The following PIK3R6 variants were observed in gnomAD, a reference collection of about 807,000 sequenced individuals.
The protein encoded by PIK3R6 is phosphoinositide 3-kinase regulatory subunit 6.
Under a neutral mutation model 84.9 loss-of-function variants are expected in PIK3R6, and 91 were observed. The observed-to-expected ratio is 1.07, with a 90% confidence interval of 0.90 to 1.28. The LOEUF (loss-of-function observed/expected upper bound fraction) is 1.28. Among genes scored for constraint, PIK3R6 ranks in the 50% most tolerant of loss-of-function variants. The pLI, the probability that PIK3R6 is intolerant of heterozygous loss-of-function variation, is 0.00. For synonymous variants in PIK3R6, 416 were observed against 411.4 expected (o/e 1.01, Z -0.13); for missense variants, 996 against 985.1 (o/e 1.01, Z -0.15).
chr17:8,823,539 G>T, intron 13 of PIK3R6, 42 bp from the exon 14 acceptor site: 1 of 1,380,462 alleles, frequency 7.2e-7, no homozygotes. Flanking sequence ...CTCCCCCAAG[G>T]CCACTGTGGG....
rs1312125837 is a variant in PIK3R6, at chr17:8,838,651, C to T, written c.102G>A (p.Met34Ile). 1.9e-6 allele frequency: 3 copies of T among 1,598,084 alleles called. No homozygotes were observed. The highest frequency in any genetic ancestry group is 1.6e-4 in the Middle Eastern group (1 of 6,072). ...QAPALQSNQG[M>I]WRWSLHKKVE... is the part of the protein sequence containing the mutation. ...CCTTCTTGTGCAGGGACCACCTCCA[C>T]ATGCCTGGGCCAGGAGAAAGGGGAG... Residue 34 changes from methionine (M) to isoleucine (I), a missense_variant, in exon 4 of 20, where the codon ATG becomes ATA. Transcript: ENST00000619866.
intron 2 of PIK3R6, among the ~76,000 whole-genome samples, chr17:8,847,082 T>C (rs1197926560): frequency 6.6e-6 from 1 of 152,212 alleles, no homozygotes; most frequent in Non-Finnish European, 1.5e-5. Context: ...GACTGACTCA[T>C]GGATATGTAA....
Position 8,866,993 on chromosome 17 carries a change from T to C in PIK3R6, c.-92+536A>G, listed in dbSNP as rs192730781. On this transcript the variant is annotated intron_variant, in intron 1 of 19. Coordinates refer to ENST00000619866, the MANE Select transcript of PIK3R6 (RefSeq NM_001010855.4). ...ACTTTCACCAAATTCCCCAGGAAAG[T>C]GATGGGCAGATGATGTCCCAGAAAG... Among the ~76,000 whole-genome samples, 6 of 152,248 alleles carry C rather than the reference T, an allele frequency of 3.9e-5. No individual in the cohort carries two copies. In the East Asian group the frequency reaches 5.8e-4, roughly 15 times the overall value.
At position 8,803,889 on chromosome 17, in the gene PIK3R6, T is replaced by G. The variant is rs539314964; in HGVS notation, c.2108+152A>C. 2 of 667,768 alleles carry G rather than the reference T, an allele frequency of 3.0e-6. No homozygotes were observed. Among genetic ancestry groups the G allele is most frequent in the East Asian group, 5.4e-5 (2 of 36,766 alleles). 41.4% of individuals were successfully genotyped at this position (667,768 alleles called of 1,614,324 possible). On this transcript the variant is annotated intron_variant, in intron 19 of 19. Coordinates refer to ENST00000619866, the MANE Select transcript of PIK3R6 (RefSeq NM_001010855.4). This position sits in a 1 kb window ranked among gnomAD's most constrained non-coding sequence, Gnocchi z 5.0. ...GGATCCAAAGCATAGGGCAGTGGCC[T>G]CTGTCCATCCTCACCAAGGTTACCT...
At chr17:8,823,322 C>T (rs1023636078) in intron 14 of PIK3R6, 65 bp downstream of exon 14, 3 of 1,276,316 alleles carry the variant, frequency 2.4e-6, no homozygotes, top group African/African-American at 2.9e-5. Context: ...CAGTGTTTCC[C>T]CAGAGCCTGG....
At chr17:8,832,504 TC>T (rs971221711) in intron 9 of PIK3R6, among the ~76,000 whole-genome samples, 1 of 146,862 alleles carries the variant, frequency 6.8e-6, no homozygotes, top group African/African-American at 2.5e-5. Flanking sequence ...TAACTCAGCA[TC>T]CCGAGTAGCT....
Position 8,803,731 on chromosome 17 carries a change from T to G in PIK3R6, c.2109-302A>C, listed in dbSNP as rs2151161324. 1.8e-6 allele frequency: 1 copy of G among 549,836 alleles called. No homozygotes were observed. The allele number at this position is 549,836 out of a possible 1,614,324, so 34.1% of individuals were successfully genotyped here. ...GGAACACAGATGCCACAGGTCAGCC[T>G]GTGTGGGAGGGGCCCGTGCCTGCAG... On this transcript the variant is annotated intron_variant, in intron 19 of 19. Transcript: ENST00000619866. This position sits in a 1 kb window ranked among gnomAD's most constrained non-coding sequence, Gnocchi z 5.0.
At chr17:8,829,499 CTG>C (rs1379305097) in intron 10 of PIK3R6, among the ~76,000 whole-genome samples, 3 of 114,124 alleles carry the variant, frequency 2.6e-5, no homozygotes, top group African/African-American at 3.7e-5. Context: ...TACACACACA[CTG>C]ACACACACTC....
chr17:8,840,203 T>TA lies in PIK3R6; in HGVS notation c.14-507_14-506insT, dbSNP rs1408879859. 2.0e-4 allele frequency among the ~76,000 whole-genome samples: 28 copies of TA among 143,020 alleles called. 6 individuals carry two copies. Among genetic ancestry groups the TA allele is most frequent in the African/African-American group, 7.1e-4 (27 of 38,194 alleles). The allele number at this position is 143,020 out of a possible 152,430, so 93.8% of individuals were successfully genotyped here. On this transcript the variant is annotated intron_variant, in intron 2 of 19. Coordinates refer to ENST00000619866, the MANE Select transcript of PIK3R6 (RefSeq NM_001010855.4). ...ATATATATATGAAATATATATAGCC[T>TA]CCAAATATATATATGAAATATATAC...
rs946924308 is a variant in PIK3R6, at chr17:8,829,041, C to G, written c.890-51G>C. 3 of 1,462,782 alleles carry G rather than the reference C, an allele frequency of 2.1e-6. No individual in the cohort carries two copies. In the African/African-American group the frequency reaches 4.3e-5, roughly 21 times the overall value. 90.6% of individuals were successfully genotyped at this position (1,462,782 alleles called of 1,614,324 possible). A position where few individuals can be genotyped will look rare whatever the true frequency, so the allele number is the denominator to read the frequency against. On this transcript the variant is annotated intron_variant, in intron 10 of 19. Transcript: ENST00000619866. ...AGGACACGTGAGGCTGGCAGGGCTA[C>G]GTTTCTGATTTCAGCCAGTCCTCTT...
At chr17:8,848,414 G>GCTCGTCGTTGACCAAAACATT in intron 2 of PIK3R6, among the ~76,000 whole-genome samples, 5 of 151,374 alleles carry the variant, frequency 3.3e-5, no homozygotes, top group African/African-American at 9.8e-5. Context: ...ATATGTCACG[G>GCTCGTCGTTGACCAAAACATT]GGCAATTTCA....
At chr17:8,822,746 G>C in intron 15 of PIK3R6, 89 bp from the exon 16 acceptor site, 1 of 1,361,600 alleles carries the variant, frequency 7.3e-7, no homozygotes, top group Non-Finnish European at 1.0e-6. Flanking sequence ...GAGCTGAGCT[G>C]CTGGGTTTAC....
At chr17:8,807,542 T>C (rs1338440736) in intron 18 of PIK3R6, among the ~76,000 whole-genome samples, 1 of 152,072 alleles carries the variant, frequency 6.6e-6, no homozygotes, top group African/African-American at 2.4e-5. Context: ...AAAGGCCTCC[T>C]GAGGGAGATG....
chr17:8,863,430 C>G (rs1305550038), intron 1 of PIK3R6, among the ~76,000 whole-genome samples: 5 of 152,224 alleles, frequency 3.3e-5, no homozygotes, highest in African/African-American at 1.2e-4. Context: ...TAACTATAGT[C>G]ACCCTAATGT....
Position 8,803,215 on chromosome 17 carries a change from G to A in PIK3R6, c.*58C>T, listed in dbSNP as rs568782347. ...GGCCTTGCTCTGGCTGTTGGTGTGA[G>A]TGTTTGGAGTTGGTGGGGTAGTGTA... On this transcript the variant is annotated 3_prime_UTR_variant, in exon 20 of 20. Transcript: ENST00000619866. The surrounding 1 kb of genome is among the most constrained non-coding windows in gnomAD (Gnocchi z 5.0). 3.1e-6 allele frequency: 5 copies of A among 1,600,580 alleles called. No individual in the cohort carries two copies. In the South Asian group the frequency reaches 3.3e-5, roughly 11 times the overall value.
chr17:8,816,094 C>A (rs1425867472), intron 18 of PIK3R6, among the ~76,000 whole-genome samples: 2 of 152,138 alleles, frequency 1.3e-5, no homozygotes, highest in African/African-American at 4.8e-5. Flanking sequence ...GAAAAACAAG[C>A]TACTGTGGGG....
At chr17:8,866,304 G>A (rs1183787795) in intron 1 of PIK3R6, among the ~76,000 whole-genome samples, 3 of 152,154 alleles carry the variant, frequency 2.0e-5, no homozygotes, top group East Asian at 1.9e-4. Flanking sequence ...ATGGGAGGCC[G>A]AGGTGGGTGG....
intron 2 of PIK3R6, among the ~76,000 whole-genome samples, chr17:8,848,881 A>C (rs1459532184): frequency 6.6e-6 from 1 of 152,162 alleles, no homozygotes; most frequent in Admixed American, 6.5e-5. Context: ...ATGCCATAGG[A>C]ATATTAGCAA....
chr17:8,823,741 T>C (rs2087822337), intron 13 of PIK3R6, among the ~76,000 whole-genome samples: 1 of 152,206 alleles, frequency 6.6e-6, no homozygotes, highest in Non-Finnish European at 1.5e-5. Flanking sequence ...TACTGAGCGC[T>C]GCTATGTGTG....
Sources: allele counts gnomAD v4.1 joint callset (sites outside exome capture counted in the v4.1 genomes callset), GRCh38; gene constraint gnomAD v4.1.1; non-coding constraint Gnocchi (gnomAD v3.1); transcripts MANE v1.5; gene names NCBI Gene and HGNC (gene_info 2026-07-23, HGNC 2026-07-21).